The following IQGAP2 variants were observed in gnomAD, a reference collection of about 807,000 sequenced individuals.
The protein encoded by IQGAP2 is ras GTPase-activating-like protein IQGAP2.
Under a neutral mutation model 201.3 loss-of-function variants are expected in IQGAP2, and 173 were observed. The ratio of observed to expected loss-of-function variants is 0.86; its 90% CI spans 0.76 to 0.98. The LOEUF (loss-of-function observed/expected upper bound fraction) is 0.98, where lower values mean the gene tolerates loss of function less well. IQGAP2 is among the 50% of genes least tolerant of loss of function. IQGAP2 has a pLI of 0.00. For synonymous variants in IQGAP2, 675 were observed against 673.9 expected (o/e 1.00, Z -0.03); for missense variants, 1,687 against 1,864.8 (o/e 0.90, Z 1.76).
At chr5:76,451,216 A>G (rs1753722188) in intron 1 of IQGAP2, among the ~76,000 whole-genome samples, 1 of 152,140 alleles carries the variant, frequency 6.6e-6, no homozygotes, top group African/African-American at 2.4e-5. Context: ...TGAAGTCACG[A>G]AGTGTGCTGG....
At chr5:76,639,523 C>T (rs1018623644) in intron 16 of IQGAP2, among the ~76,000 whole-genome samples, 2 of 152,074 alleles carry the variant, frequency 1.3e-5, no homozygotes, top group Non-Finnish European at 2.9e-5. Flanking sequence ...AAAAGTTGGA[C>T]CCAAAGGATG....
intron 29 of IQGAP2, 31 bp downstream of exon 29, chr5:76,683,248 G>A: frequency 6.6e-7 from 1 of 1,518,004 alleles, no homozygotes. Flanking sequence ...CTTATCCCTT[G>A]GTTTTTGTTT....
chr5:76,650,109 C>T (rs1024996168), intron 17 of IQGAP2, among the ~76,000 whole-genome samples: 3 of 152,140 alleles, frequency 2.0e-5, no homozygotes, highest in Non-Finnish European at 4.4e-5. Flanking sequence ...CCTAGGCTTC[C>T]CAGCCTGTGA....
intron 1 of IQGAP2, among the ~76,000 whole-genome samples, chr5:76,427,522 C>T (rs1752077773): frequency 6.6e-6 from 1 of 152,190 alleles, no homozygotes; most frequent in African/African-American, 2.4e-5. Flanking sequence ...CAACTTAAAA[C>T]TATTTTTTCA....
At chr5:76,590,097 G>A (rs754198381) in intron 7 of IQGAP2, among the ~76,000 whole-genome samples, 8 of 152,104 alleles carry the variant, frequency 5.3e-5, no homozygotes, top group Admixed American at 3.3e-4. Context: ...TACCCATGTC[G>A]CCCTGACCAG....
intron 1 of IQGAP2, among the ~76,000 whole-genome samples, chr5:76,450,008 C>T (rs1309341628): frequency 1.3e-5 from 2 of 152,168 alleles, no homozygotes; most frequent in African/African-American, 2.4e-5. Context: ...ACCTTCATGT[C>T]TGTTGTATGT....
chr5:76,504,748 C>T lies in IQGAP2; in HGVS notation c.146+43079C>T, dbSNP rs139181934. Among the ~76,000 whole-genome samples the T allele has an allele frequency of 4.9e-4, 74 of 152,254 alleles. 1 individual carries two copies. Among genetic ancestry groups the T allele is most frequent in the African/African-American group, 1.5e-3 (61 of 41,538 alleles). On this transcript the variant is annotated intron_variant, in intron 2 of 35. Coordinates refer to ENST00000274364, the MANE Select transcript of IQGAP2 (RefSeq NM_006633.5). ...TTTCACGTCCTTATCATGTGAAGGA[C>T]GCTCTCATCCACTTAACTTTGCAAG...
chr5:76,541,100 A>G (rs1437644545), intron 2 of IQGAP2, among the ~76,000 whole-genome samples: 3 of 152,196 alleles, frequency 2.0e-5, no homozygotes, highest in Non-Finnish European at 4.4e-5. Flanking sequence ...TACATTTACA[A>G]CATTGTGCAA....
In IQGAP2 at chr5:76,707,536, T is replaced by A. The variant is rs1748014236; in HGVS notation, c.*223T>A. 2.1e-6 allele frequency: 1 copy of A among 481,144 alleles called. No homozygotes were observed. Among genetic ancestry groups the A allele is most frequent in the African/African-American group, 2.0e-5 (1 of 50,330 alleles). The allele number at this position is 481,144 out of a possible 1,614,324, so 29.8% of individuals were successfully genotyped here. A position where few individuals can be genotyped will look rare whatever the true frequency, so the allele number is the denominator to read the frequency against. Reference sequence around the variant, plus strand: ...AATTAATGGAAACATATCCACACTGTACTGTGATATAGGTACTCTGATTTA... The same window carrying A: ...AATTAATGGAAACATATCCACACTGAACTGTGATATAGGTACTCTGATTTA... On this transcript the variant is annotated 3_prime_UTR_variant, in exon 36 of 36. Coordinates refer to ENST00000274364, the MANE Select transcript of IQGAP2 (RefSeq NM_006633.5).
chr5:76,601,536 T>A (rs1054100850), intron 11 of IQGAP2, among the ~76,000 whole-genome samples: 8 of 152,226 alleles, frequency 5.3e-5, no homozygotes, highest in Non-Finnish European at 1.2e-4. Flanking sequence ...ATAGCATTGT[T>A]ATAAAACACT....
chr5:76,528,334 T>C (rs1040542244), intron 2 of IQGAP2, among the ~76,000 whole-genome samples: 12 of 139,378 alleles, frequency 8.6e-5, no homozygotes, highest in African/African-American at 3.4e-4. Flanking sequence ...CAAGTCAGAG[T>C]TCCTTAATAG....
intron 2 of IQGAP2, among the ~76,000 whole-genome samples, chr5:76,520,116 A>G (rs1466787707): frequency 1.3e-5 from 2 of 152,104 alleles, no homozygotes; most frequent in Non-Finnish European, 2.9e-5. Flanking sequence ...TGCCTAATCC[A>G]AAGCCACAGA....
At chr5:76,587,860 C>T (rs143039063) in intron 5 of IQGAP2, among the ~76,000 whole-genome samples, 113 of 151,278 alleles carry the variant, frequency 7.5e-4, no homozygotes, top group African/African-American at 2.5e-3. Flanking sequence ...GCAGGAGAAT[C>T]GCTTGAACCC....
chr5:76,697,931 C>A, intron 32 of IQGAP2, 56 bp from the exon 33 acceptor site: 1 of 1,369,018 alleles, frequency 7.3e-7, no homozygotes, highest in Non-Finnish European at 1.0e-6. Flanking sequence ...CCCAAACTGG[C>A]AATATCATAA....
At chr5:76,507,907 G>T (rs1452448637) in intron 2 of IQGAP2, among the ~76,000 whole-genome samples, 2 of 150,180 alleles carry the variant, frequency 1.3e-5, no homozygotes, top group African/African-American at 4.9e-5. Flanking sequence ...TACTCAGGAA[G>T]CTGAAGCAGA....
intron 8 of IQGAP2, among the ~76,000 whole-genome samples, 183 bp from the exon 9 acceptor site, chr5:76,592,655 T>C (rs1746742535): frequency 6.6e-6 from 1 of 152,182 alleles, no homozygotes; most frequent in Non-Finnish European, 1.5e-5. Flanking sequence ...TCATTCATCT[T>C]TGTAGTCTTT....
intron 1 of IQGAP2, among the ~76,000 whole-genome samples, chr5:76,441,265 G>T (rs190689948): frequency 1.3e-5 from 2 of 152,252 alleles, no homozygotes; most frequent in Admixed American, 6.5e-5. Context: ...TGGTTAGCAT[G>T]CTTTTTATTG....
At chr5:76,585,637 C>T (rs950587433) in intron 5 of IQGAP2, among the ~76,000 whole-genome samples, 4 of 152,006 alleles carry the variant, frequency 2.6e-5, no homozygotes, top group African/African-American at 9.7e-5. Context: ...GCCTCAGCCT[C>T]CCGAGTAGTT....
intron 2 of IQGAP2, among the ~76,000 whole-genome samples, chr5:76,540,809 C>T (rs779274707): frequency 6.6e-6 from 1 of 152,106 alleles, no homozygotes; most frequent in South Asian, 2.1e-4. Flanking sequence ...TACATGATGG[C>T]CCCGGGGAAG....
Sources: allele counts gnomAD v4.1 joint callset (sites outside exome capture counted in the v4.1 genomes callset), GRCh38; gene constraint gnomAD v4.1.1; transcripts MANE v1.5; gene names NCBI Gene and HGNC (gene_info 2026-07-23, HGNC 2026-07-21).